The following FHOD3 variants were observed in gnomAD, a reference collection of about 807,000 sequenced individuals.
The protein encoded by FHOD3 is formin homology 2 domain containing 3.
FHOD3 carries 90 observed loss-of-function variants against 173.0 expected under a neutral mutation model. That is an observed-to-expected ratio of 0.52 (90% confidence interval 0.44 to 0.62). FHOD3 has a LOEUF of 0.62. Among genes scored for constraint, FHOD3 ranks in the 20% least tolerant of loss-of-function variants. The pLI, the probability that FHOD3 is intolerant of heterozygous loss-of-function variation, is 0.00. For missense variants in FHOD3, 1,945 were observed against 2,034.7 expected, an observed-to-expected ratio of 0.96 and a Z score of 0.85; for synonymous variants, 828 against 823.0, an observed-to-expected ratio of 1.01 and a Z score of -0.10.
intron 18 of FHOD3, among the ~76,000 whole-genome samples, chr18:36,712,646 C>T (rs943509015): frequency 3.3e-5 from 5 of 152,192 alleles, no homozygotes; most frequent in Non-Finnish European, 2.9e-5. Context: ...CTCGATCTAA[C>T]GCCAATTCAT....
chr18:36,625,584 C>A lies in FHOD3; in HGVS notation c.1031C>A (p.Ala344Asp). The change falls in exon 10 of 29, where the codon GCC becomes GAC. Residue 344 changes from alanine (A) to aspartate (D), a missense_variant. Physicochemically the swap from Ala to Asp is moderately radical, Grantham distance 126. Around this residue, in one of 5 missense-constraint regions of FHOD3, gnomAD observed 1,099 missense variants for 1,051.2 expected, o/e 1.05. Transcript: ENST00000590592. ...AGTGGGTGCCGGGACCGGAGGAGGG[C>A]CAGCGTGTGTTCCAGTGGCGGAGGC... Reference protein sequence around the residue: ...PPSGCRDRRRASVCSSGGGEH... With the variant: ...PPSGCRDRRRDSVCSSGGGEH... 6.4e-7 allele frequency: 1 copy of A among 1,567,626 alleles called. No individual in the cohort carries two copies. Among genetic ancestry groups the A allele is most frequent in the South Asian group, 1.2e-5 (1 of 86,820 alleles).
chr18:36,648,963 G>A (rs2035864308), intron 10 of FHOD3, among the ~76,000 whole-genome samples: 1 of 152,210 alleles, frequency 6.6e-6, no homozygotes, highest in African/African-American at 2.4e-5. Flanking sequence ...CTGTGTGGAG[G>A]AGAAAAACCA....
intron 5 of FHOD3, among the ~76,000 whole-genome samples, chr18:36,523,790 T>G (rs1337905835): frequency 6.6e-6 from 1 of 152,186 alleles, no homozygotes; most frequent in Non-Finnish European, 1.5e-5. Context: ...AAGTAAAATA[T>G]AAAAAGCAGA....
At chr18:36,489,262 C>T (rs920572963) in intron 3 of FHOD3, among the ~76,000 whole-genome samples, 2 of 152,162 alleles carry the variant, frequency 1.3e-5, no homozygotes, top group Non-Finnish European at 2.9e-5. Flanking sequence ...GTTTAGGAAG[C>T]CTCCTTTCTT....
chr18:36,481,020 G>GGTTTTTTTT (rs1184139038), intron 3 of FHOD3, among the ~76,000 whole-genome samples: 1 of 104,476 alleles, frequency 9.6e-6, no homozygotes, highest in Non-Finnish European at 1.8e-5. Flanking sequence ...TTGGGAGGTG[G>GGTTTTTTTT]TTTTTTTTTT....
chr18:36,643,966 G>A (rs1372618469), intron 10 of FHOD3, among the ~76,000 whole-genome samples: 1 of 152,036 alleles, frequency 6.6e-6, no homozygotes, highest in East Asian at 1.9e-4. Flanking sequence ...TTTCCTTTTG[G>A]TGTTTGGAAG....
At chr18:36,335,717 C>T (rs2045273609) in intron 1 of FHOD3, among the ~76,000 whole-genome samples, 1 of 152,138 alleles carries the variant, frequency 6.6e-6, no homozygotes, top group Non-Finnish European at 1.5e-5. Flanking sequence ...AAGTGTCCAG[C>T]TTGCCTCATA....
chr18:36,449,389 A>G (rs2051689646), intron 3 of FHOD3, among the ~76,000 whole-genome samples: 1 of 152,218 alleles, frequency 6.6e-6, no homozygotes, highest in Non-Finnish European at 1.5e-5. Context: ...TTTCCTTGGC[A>G]TCCATGCTGC....
intron 7 of FHOD3, among the ~76,000 whole-genome samples, chr18:36,597,072 A>G (rs1435131054): frequency 1.3e-5 from 2 of 152,206 alleles, no homozygotes; most frequent in African/African-American, 4.8e-5. Flanking sequence ...CCTAAGCTTC[A>G]GGTAACCCCA....
chr18:36,416,054 G>A (rs1045536858), intron 3 of FHOD3, among the ~76,000 whole-genome samples: 51 of 152,118 alleles, frequency 3.4e-4, no homozygotes, highest in African/African-American at 1.2e-3. Flanking sequence ...ATTTTTTTGA[G>A]ATGGAGTTTC....
intron 10 of FHOD3, among the ~76,000 whole-genome samples, chr18:36,636,611 A>G (rs142527156): frequency 1.3e-5 from 2 of 151,976 alleles, no homozygotes; most frequent in East Asian, 3.9e-4. Flanking sequence ...GGAGTACTCA[A>G]TTACCATATC....
intron 3 of FHOD3, among the ~76,000 whole-genome samples, chr18:36,497,457 T>C (rs377288759): frequency 1.3e-5 from 2 of 152,216 alleles, no homozygotes; most frequent in African/African-American, 4.8e-5. Flanking sequence ...ATGGTCAGAT[T>C]GCATGTAAGC....
At chr18:36,329,416 C>T (rs1029099848) in intron 1 of FHOD3, among the ~76,000 whole-genome samples, 4 of 152,218 alleles carry the variant, frequency 2.6e-5, no homozygotes, top group African/African-American at 9.6e-5. Context: ...AACCCACTCC[C>T]TTACCCAACA....
At chr18:36,408,660 A>T (rs554436395) in intron 3 of FHOD3, among the ~76,000 whole-genome samples, 1 of 152,150 alleles carries the variant, frequency 6.6e-6, no homozygotes, top group South Asian at 2.1e-4. Context: ...CAGGGGTTGG[A>T]CAGCCAGTGA....
intron 6 of FHOD3, among the ~76,000 whole-genome samples, chr18:36,587,159 G>A (rs1332171955): frequency 6.6e-6 from 1 of 152,126 alleles, no homozygotes; most frequent in Admixed American, 6.5e-5. Flanking sequence ...GATGGTGGGG[G>A]GAACTTCTCA....
At chr18:36,772,598 C>G (rs139090871) in intron 28 of FHOD3, among the ~76,000 whole-genome samples, 147 of 152,368 alleles carry the variant, frequency 9.6e-4, no homozygotes, top group Non-Finnish European at 1.5e-3. Flanking sequence ...AATTAAATGT[C>G]TGCTTTCATG....
chr18:36,776,889 C>T (rs1431653995), intron 28 of FHOD3, among the ~76,000 whole-genome samples: 1 of 152,196 alleles, frequency 6.6e-6, no homozygotes. Flanking sequence ...GATAGGCTGG[C>T]TCAATGTCCG....
chr18:36,299,018 G>T (rs553796602), intron 1 of FHOD3, among the ~76,000 whole-genome samples: 2 of 151,224 alleles, frequency 1.3e-5, no homozygotes, highest in South Asian at 4.3e-4. Context: ...ATTTGGAAGA[G>T]ATAAGCGTTG....
At position 36,486,733 on chromosome 18, in the gene FHOD3, T is replaced by C. The variant is rs560291489; in HGVS notation, c.338-15199T>C. On this transcript the variant is annotated intron_variant, in intron 3 of 28. Coordinates refer to ENST00000590592, the MANE Select transcript of FHOD3 (RefSeq NM_001281740.3). Reference sequence around the variant, plus strand: ...AAAATGCACACATTTTAAATCCAGTTCACCTTTTGACAACTATATCTCAAA... The same window carrying C: ...AAAATGCACACATTTTAAATCCAGTCCACCTTTTGACAACTATATCTCAAA... 4.3e-4 allele frequency among the ~76,000 whole-genome samples: 66 copies of C among 152,336 alleles called. 1 individual carries two copies. Among genetic ancestry groups the C allele is most frequent in the African/African-American group, 1.6e-3 (66 of 41,582 alleles).
Sources: gnomAD v4.1 joint callset for allele counts (sites outside exome capture counted in the v4.1 genomes callset) on GRCh38, gnomAD v4.1.1 for gene constraint, gnomAD v4.1.1 regional missense constraint, MANE v1.5 for transcripts, NCBI Gene and HGNC (gene_info 2026-07-23, HGNC 2026-07-21) for gene names.